The following SORCS1 variants were observed in gnomAD, a reference collection of about 807,000 sequenced individuals.
The protein encoded by SORCS1 is VPS10 domain-containing receptor SorCS1.
Under a neutral mutation model 146.1 loss-of-function variants are expected in SORCS1, and 60 were observed. That is an observed-to-expected ratio of 0.41 (90% CI 0.33 to 0.51). The LOEUF (loss-of-function observed/expected upper bound fraction) is 0.51. Ranked by LOEUF, SORCS1 falls within the 20% of genes least tolerant of loss-of-function variation. The pLI, the probability that SORCS1 is intolerant of heterozygous loss-of-function variation, is 0.21. For missense variants in SORCS1, 1,352 were observed against 1,487.6 expected (o/e 0.91, Z 1.50); for synonymous variants, 637 against 584.0 (o/e 1.09, Z -1.31).
rs1961069650 is a variant in SORCS1, at chr10:107,060,385, A to T, written c.558+103584T>A. Among the ~76,000 whole-genome samples the T allele has an allele frequency of 6.6e-6, 1 of 152,206 alleles. No homozygotes were observed. Among genetic ancestry groups the T allele is most frequent in the Admixed American group, 6.5e-5 (1 of 15,278 alleles). On this transcript the variant is annotated intron_variant, in intron 1 of 25. Coordinates refer to ENST00000263054, the MANE Select transcript of SORCS1 (RefSeq NM_052918.5). This position sits in a 1 kb window ranked among gnomAD's most constrained non-coding sequence, Gnocchi z 4.1. ...AAAGATGAGAAAGCCATTTGAGGATAGCAAAATGTAGAGTGAGGCAAATTT... is the reference window on the plus strand; with the variant it reads ...AAAGATGAGAAAGCCATTTGAGGATTGCAAAATGTAGAGTGAGGCAAATTT...
At chr10:107,128,259 G>T (rs1468638122) in intron 1 of SORCS1, among the ~76,000 whole-genome samples, 2 of 152,162 alleles carry the variant, frequency 1.3e-5, no homozygotes, top group Admixed American at 6.5e-5. Context: ...TGTTCTTCAT[G>T]AGAAAGAATT....
intron 2 of SORCS1, among the ~76,000 whole-genome samples, chr10:106,925,327 T>C (rs1952960673): frequency 1.3e-5 from 2 of 152,176 alleles, no homozygotes; most frequent in African/African-American, 4.8e-5. Flanking sequence ...GCATGATTAG[T>C]GCTGCACAAG....
chr10:106,942,511 C>T (rs1344580464), intron 2 of SORCS1, among the ~76,000 whole-genome samples: 1 of 152,186 alleles, frequency 6.6e-6, no homozygotes, highest in African/African-American at 2.4e-5. Context: ...ACAGTGCATG[C>T]CAGCTCCTGA....
intron 2 of SORCS1, 44 bp from the exon 3 acceptor site, chr10:106,829,717 AT>A: frequency 1.4e-6 from 2 of 1,480,800 alleles, no homozygotes; most frequent in Middle Eastern, 1.8e-4. Flanking sequence ...AGTATATGTC[AT>A]TTGGCTGCTT....
chr10:106,929,367 G>C lies in SORCS1; in HGVS notation c.626+27146C>G, dbSNP rs148144947. Among the ~76,000 whole-genome samples the C allele has an allele frequency of 1.7e-3, 256 of 152,256 alleles. 2 individuals carry two copies. The highest frequency in any genetic ancestry group is 6.0e-3 in the African/African-American group (250 of 41,542). The stretch of plus-strand genomic sequence containing the variant: ...CACAAAAGGAAAGAAAGAAAGAAGG[G>C]AAAAGACCTGGGGTATCAGAATTAA... On this transcript the variant is annotated intron_variant, in intron 2 of 25. Coordinates refer to ENST00000263054, the MANE Select transcript of SORCS1 (RefSeq NM_052918.5).
At chr10:106,649,699 A>G (rs1849717015) in intron 18 of SORCS1, among the ~76,000 whole-genome samples, 1 of 152,160 alleles carries the variant, frequency 6.6e-6, no homozygotes, top group Non-Finnish European at 1.5e-5. Flanking sequence ...AAAATGATTC[A>G]GGTTCCTTAT....
chr10:106,799,710 T>C (rs920557774), intron 3 of SORCS1, among the ~76,000 whole-genome samples: 9 of 152,124 alleles, frequency 5.9e-5, no homozygotes, highest in African/African-American at 2.2e-4. Flanking sequence ...AGAATGGTGA[T>C]CATTAAAAAG....
intron 3 of SORCS1, among the ~76,000 whole-genome samples, chr10:106,792,160 C>G (rs1674994994): frequency 6.6e-6 from 1 of 152,210 alleles, no homozygotes; most frequent in African/African-American, 2.4e-5. Flanking sequence ...ATTATACACA[C>G]ATAGACATGG....
intron 5 of SORCS1, among the ~76,000 whole-genome samples, chr10:106,741,258 G>C (rs150941529): frequency 1.2e-3 from 186 of 149,180 alleles, no homozygotes; most frequent in South Asian, 4.1e-3. Context: ...AGTGTCTGAG[G>C]CAAGACAGTG....
chr10:106,639,311 T>C (rs1848915280), intron 18 of SORCS1, among the ~76,000 whole-genome samples: 1 of 152,114 alleles, frequency 6.6e-6, no homozygotes, highest in Admixed American at 6.5e-5. Context: ...ACTAGGAGAT[T>C]GAAAATCCAA....
intron 4 of SORCS1, among the ~76,000 whole-genome samples, chr10:106,767,689 C>T (rs1323060949): frequency 4.0e-5 from 6 of 151,466 alleles, no homozygotes; most frequent in South Asian, 4.2e-4. Context: ...GGTGGTTTCA[C>T]GATGTTGACC....
intron 2 of SORCS1, among the ~76,000 whole-genome samples, chr10:106,840,827 AT>A (rs1474788071): frequency 6.8e-6 from 1 of 146,286 alleles, no homozygotes; most frequent in Non-Finnish European, 1.5e-5. Context: ...AATAATTCAC[AT>A]TTTTTAGTTA....
rs1845260082 is a variant in SORCS1 at position 106,586,708 on chromosome 10, T to C, written c.3266-7234A>G. On this transcript the variant is annotated intron_variant, in intron 24 of 25. Transcript: ENST00000263054. Reference sequence around the variant, plus strand: ...TGGTGGCTCATGCCTGCAATCTCAATGCTTTGAGAGGCTGAAGTGGGTGAA... The same window carrying C: ...TGGTGGCTCATGCCTGCAATCTCAACGCTTTGAGAGGCTGAAGTGGGTGAA... 3.9e-5 allele frequency among the ~76,000 whole-genome samples: 6 copies of C among 152,320 alleles called. No homozygotes were observed. The South Asian group carries it at 1.2e-3, about 32-fold the overall frequency.
chr10:107,121,076 G>A (rs756846429), intron 1 of SORCS1, among the ~76,000 whole-genome samples: 5 of 152,156 alleles, frequency 3.3e-5, no homozygotes, highest in South Asian at 2.1e-4. Context: ...CTTTGGAGCC[G>A]AAGTCTTTAA....
rs372041851 is a variant in SORCS1 at position 106,650,961 on chromosome 10, C to G, written c.2475+1421G>C. ...ACTGCAGGCTAATCTGTCATAGTCT[C>G]AAGCAGAAACCTCCAGAGTTTATTT... On this transcript the variant is annotated intron_variant, in intron 18 of 25. Transcript: ENST00000263054. Among the ~76,000 whole-genome samples the G allele has an allele frequency of 5.3e-5, 8 of 152,076 alleles. No individual in the cohort carries two copies. The East Asian group carries it at 9.6e-4, about 18-fold the overall frequency.
chr10:107,145,325 G>C (rs373988573), intron 1 of SORCS1, among the ~76,000 whole-genome samples: 1 of 152,316 alleles, frequency 6.6e-6, no homozygotes, highest in East Asian at 1.9e-4. Flanking sequence ...CTGGAGAAAG[G>C]CCAGAAGACC....
At chr10:107,110,817 C>T (rs1463175944) in intron 1 of SORCS1, among the ~76,000 whole-genome samples, 1 of 152,194 alleles carries the variant, frequency 6.6e-6, no homozygotes, top group Non-Finnish European at 1.5e-5. Flanking sequence ...AAGTCACTCC[C>T]AGTTGTGCAA....
At chr10:106,813,196 G>T (rs189361105) in intron 3 of SORCS1, among the ~76,000 whole-genome samples, 1 of 139,684 alleles carries the variant, frequency 7.2e-6, no homozygotes, top group African/African-American at 2.7e-5. Flanking sequence ...GCAATAGTGA[G>T]ATCTTGGCTC....
At chr10:106,622,831 G>T (rs1295570689) in intron 19 of SORCS1, among the ~76,000 whole-genome samples, 1 of 152,190 alleles carries the variant, frequency 6.6e-6, no homozygotes, top group Admixed American at 6.5e-5. Context: ...AAAGCAGTTT[G>T]GTTTCAGAGC....
Sources: gnomAD v4.1 joint callset for allele counts (sites outside exome capture counted in the v4.1 genomes callset) on GRCh38, gnomAD v4.1.1 for gene constraint, Gnocchi (gnomAD v3.1) non-coding constraint, MANE v1.5 for transcripts, NCBI Gene and HGNC (gene_info 2026-07-23, HGNC 2026-07-21) for gene names.